RABGAP1: variants seen among roughly 807,000 people sequenced by gnomAD.
RABGAP1 encodes the protein rab GTPase-activating protein 1.
Under a neutral mutation model 137.6 loss-of-function variants are expected in RABGAP1, and 23 were observed. That is an observed-to-expected ratio of 0.17 (90% CI 0.12 to 0.24). RABGAP1 has a LOEUF of 0.24. Ranked by LOEUF, RABGAP1 falls within the 10% of genes least tolerant of loss-of-function variation. The probability of loss-of-function intolerance (pLI) is 1.00; values close to 1 mark genes in which losing one functional copy is unlikely to be tolerated. For missense variants in RABGAP1, 906 were observed against 1,275.8 expected (o/e 0.71, Z 4.42); for synonymous variants, 451 against 450.7 (o/e 1.00, Z -0.01).
At position 122,986,228 on chromosome 9, in the gene RABGAP1, A is replaced by G. The variant is rs773298986; in HGVS notation, c.399A>G (p.Ser133=). 1.9e-5 allele frequency: 30 copies of G among 1,613,774 alleles called. No homozygotes were observed. Among genetic ancestry groups the G allele is most frequent in the Non-Finnish European group, 2.4e-5 (28 of 1,179,802 alleles). Residue 133 remains serine (S), a synonymous_variant, in exon 4 of 26, where the codon TCA becomes TCG. Transcript: ENST00000373647. ...TGTTTCTTTCAGATTCTGAAGCTTC[A>G]AGTCCTTTCACACCAGTGGCCGATG... ...VKPGQGDSEA[S]SPFTPVADED...
intron 13 of RABGAP1, among the ~76,000 whole-genome samples, chr9:123,028,284 A>G (rs1416609319): frequency 6.6e-6 from 1 of 152,190 alleles, no homozygotes; most frequent in Non-Finnish European, 1.5e-5. Flanking sequence ...CCCTGTGCCA[A>G]CCCTGTGGTA....
At chr9:123,087,559 A>G (rs2034906664) in intron 19 of RABGAP1, among the ~76,000 whole-genome samples, 1 of 152,232 alleles carries the variant, frequency 6.6e-6, no homozygotes, top group African/African-American at 2.4e-5. Flanking sequence ...TAGGTACACA[A>G]TAAAAGTTTA....
intron 14 of RABGAP1, among the ~76,000 whole-genome samples, chr9:123,068,705 G>C (rs2034261265): frequency 6.6e-6 from 1 of 151,888 alleles, no homozygotes; most frequent in South Asian, 2.1e-4. Context: ...CTGAAGAAAT[G>C]GGTGTGGTAT....
chr9:123,065,201 T>G (rs1588365419), intron 13 of RABGAP1, 147 bp from the exon 14 acceptor site: 1 of 602,714 alleles, frequency 1.7e-6, no homozygotes, highest in Non-Finnish European at 2.9e-6. Flanking sequence ...GGTTGGTCCC[T>G]GAAGAGGCAG....
chr9:122,965,593 A>C (rs1179902036), intron 2 of RABGAP1, among the ~76,000 whole-genome samples: 1 of 152,146 alleles, frequency 6.6e-6, no homozygotes, highest in Admixed American at 6.5e-5. Flanking sequence ...CATGTTGGCC[A>C]TGCTGGTCTC....
At chr9:123,041,785 G>C (rs550371482) in intron 13 of RABGAP1, among the ~76,000 whole-genome samples, 28 of 152,208 alleles carry the variant, frequency 1.8e-4, no homozygotes, top group Non-Finnish European at 3.7e-4. Flanking sequence ...ATTGACCACA[G>C]TAACTACTTG....
intron 13 of RABGAP1, among the ~76,000 whole-genome samples, chr9:123,049,503 T>C (rs1322561222): frequency 6.6e-6 from 1 of 152,240 alleles, no homozygotes; most frequent in Non-Finnish European, 1.5e-5. Flanking sequence ...AGCAAAGGTA[T>C]TTAATATTGA....
At chr9:123,057,385 C>T (rs1399944619) in intron 13 of RABGAP1, among the ~76,000 whole-genome samples, 2 of 151,164 alleles carry the variant, frequency 1.3e-5, no homozygotes, top group South Asian at 2.1e-4. Context: ...GGGTTGCGGC[C>T]GGGCAGAGGT....
chr9:122,963,736 A>T (rs541153528), intron 2 of RABGAP1, among the ~76,000 whole-genome samples: 1 of 132,698 alleles, frequency 7.5e-6, no homozygotes, highest in East Asian at 2.0e-4. Context: ...TTAAACCTAA[A>T]ACAGTCAGAA....
intron 13 of RABGAP1, chr9:123,034,713 G>T (rs1039958352): frequency 5.0e-6 from 8 of 1,613,780 alleles, no homozygotes; most frequent in Admixed American, 1.7e-5. Flanking sequence ...ACATCATTGT[G>T]ATTTTTGTAT....
rs528984544 is a variant in RABGAP1 at position 123,027,374 on chromosome 9, A to G, written c.1794+6915A>G. Among the ~76,000 whole-genome samples, 5 of 152,302 alleles carry G rather than the reference A, an allele frequency of 3.3e-5. No individual in the cohort carries two copies. The East Asian group carries it at 7.7e-4, about 23-fold the overall frequency. Reference sequence around the variant, plus strand: ...TGTGATCCCCCCAGCTTGGCCTTCCAAAGTGCTGGGATTACAGGCGTGAGC... The same window carrying G: ...TGTGATCCCCCCAGCTTGGCCTTCCGAAGTGCTGGGATTACAGGCGTGAGC... On this transcript the variant is annotated intron_variant, in intron 13 of 25. Coordinates refer to ENST00000373647, the MANE Select transcript of RABGAP1 (RefSeq NM_012197.4).
intron 14 of RABGAP1, among the ~76,000 whole-genome samples, chr9:123,068,383 A>G (rs563386930): frequency 9.2e-5 from 14 of 151,552 alleles, no homozygotes; most frequent in Non-Finnish European, 1.5e-4. Context: ...ATCCATATCT[A>G]GACATTGGGA....
At chr9:123,051,120 T>C (rs1036596214) in intron 13 of RABGAP1, among the ~76,000 whole-genome samples, 1 of 151,628 alleles carries the variant, frequency 6.6e-6, no homozygotes, top group African/African-American at 2.4e-5. Context: ...TTTTTTTTTT[T>C]TTTTAGGATC....
intron 19 of RABGAP1, 95 bp downstream of exon 19, chr9:123,076,857 T>A: frequency 1.4e-6 from 1 of 737,500 alleles, no homozygotes; most frequent in Non-Finnish European, 1.8e-6. Context: ...TGTATTATAT[T>A]TATAACATTT....
intron 19 of RABGAP1, among the ~76,000 whole-genome samples, chr9:123,084,823 C>T (rs933611418): frequency 1.3e-5 from 2 of 152,138 alleles, no homozygotes; most frequent in Non-Finnish European, 2.9e-5. Flanking sequence ...GGACTGTTAA[C>T]GATTTTTACA....
intron 2 of RABGAP1, among the ~76,000 whole-genome samples, chr9:122,958,670 A>G (rs2131629584): frequency 6.6e-6 from 1 of 152,240 alleles, no homozygotes; most frequent in South Asian, 2.1e-4. Context: ...GTGAACATGT[A>G]CCCTAGAACC....
In RABGAP1 at chr9:123,099,536, T is replaced by C. The variant is rs200545136; in HGVS notation, c.2876T>C (p.Ile959Thr). The C allele has an allele frequency of 6.2e-7, 1 of 1,610,960 alleles. No homozygotes were observed. The highest frequency in any genetic ancestry group is 1.3e-5 in the African/African-American group (1 of 74,978). The stretch of plus-strand genomic sequence containing the variant: ...CAGCAGACAGCCAATAAGGTGGAAA[T>C]TGAGAAAATTCGGGTAAGACTTCTC... ...EKQQTANKVE[I>T]EKIRQKVDDC... is the part of the protein sequence containing the mutation. Residue 959 changes from isoleucine to threonine, a missense_variant, in exon 24 of 26, where the codon ATT (isoleucine) becomes ACT (threonine). Physicochemically the swap from Ile to Thr is moderately conservative, Grantham distance 89. Transcript: ENST00000373647.
chr9:123,022,695 G>A lies in RABGAP1; in HGVS notation c.1794+2236G>A, dbSNP rs537744910. Among the ~76,000 whole-genome samples the A allele has an allele frequency of 1.6e-4, 24 of 152,064 alleles. No homozygotes were observed. In the East Asian group the frequency reaches 3.9e-3, roughly 25 times the overall value. On this transcript the variant is annotated intron_variant, in intron 13 of 25. Transcript: ENST00000373647. ...GCTGGGATTACAAGTGTGAGCCACC[G>A]CGCCCGGCCCCCCAAATTTTTTAAT...
At chr9:123,069,398 T>G (rs1247743872) in intron 14 of RABGAP1, among the ~76,000 whole-genome samples, 1 of 152,198 alleles carries the variant, frequency 6.6e-6, no homozygotes, top group East Asian at 1.9e-4. Flanking sequence ...AACATCACCC[T>G]GTCCCTCACA....
Sources: gnomAD v4.1 joint callset for allele counts (sites outside exome capture counted in the v4.1 genomes callset) on GRCh38, gnomAD v4.1.1 for gene constraint, MANE v1.5 for transcripts, NCBI Gene and HGNC (gene_info 2026-07-23, HGNC 2026-07-21) for gene names.